The following COL4A5 variants were observed in gnomAD, a reference collection of about 807,000 sequenced individuals.
COL4A5 encodes the protein collagen type IV alpha 5 chain, also known as collagen alpha-5(IV) chain.
In COL4A5, 26 loss-of-function variants were observed where a neutral mutation model predicts 130.2. The ratio of observed to expected loss-of-function variants is 0.20; its 90% CI spans 0.15 to 0.28. The LOEUF is 0.28. COL4A5 is among the 10% of genes least tolerant of loss of function. The probability of loss-of-function intolerance (pLI) is 1.00; values close to 1 mark genes in which losing one functional copy is unlikely to be tolerated. For synonymous variants in COL4A5, 496 were observed against 439.6 expected, an observed-to-expected ratio of 1.13 and a Z score of -1.60; for missense variants, 1,131 against 1,344.3, an observed-to-expected ratio of 0.84 and a Z score of 2.48.
intron 9 of COL4A5, among the ~76,000 whole-genome samples, chrX:108,574,309 A>G (rs1239111200): frequency 8.9e-6 from 1 of 111,865 alleles, no homozygotes; most frequent in Admixed American, 9.5e-5. Flanking sequence ...TCCTTACTTG[A>G]TATCACCCAT....
At chrX:108,632,398 G>C (rs2067277800) in intron 36 of COL4A5, among the ~76,000 whole-genome samples, 1 of 111,109 alleles carries the variant, frequency 9.0e-6, no homozygotes, top group Non-Finnish European at 1.9e-5. Flanking sequence ...TTCTACCAGA[G>C]ATACAAAGAG....
rs747242265 is a variant in COL4A5, at chrX:108,693,693, A to C, written c.4706+768A>C. On this transcript the variant is annotated intron_variant, in intron 50 of 52. Coordinates refer to ENST00000328300, the MANE Select transcript of COL4A5 (RefSeq NM_033380.3). The stretch of plus-strand genomic sequence containing the variant: ...TAAATTGGAACTCACAGTGGGGTAC[A>C]TGTATCACATTATTAGGCTAGATAG... The C allele has an allele frequency of 3.6e-5, 4 of 111,445 alleles. No homozygotes were observed. In the East Asian group the frequency reaches 1.1e-3, roughly 32 times the overall value. The allele number at this position is 111,445 out of a possible 1,213,427, so 9.2% of individuals were successfully genotyped here.
chrX:108,522,200 A>G (rs2065271229), intron 1 of COL4A5, among the ~76,000 whole-genome samples: 1 of 110,197 alleles, frequency 9.1e-6, no homozygotes, highest in Non-Finnish European at 1.9e-5. Context: ...TTTGTTTTTC[A>G]GTTCATTTTT....
At chrX:108,645,451 A>G (rs2067560447) in intron 36 of COL4A5, among the ~76,000 whole-genome samples, 1 of 110,702 alleles carries the variant, frequency 9.0e-6, no homozygotes. Context: ...CTTTATGTAC[A>G]TAAACTAGAA....
chrX:108,624,608 A>C (rs1245537216), intron 34 of COL4A5, among the ~76,000 whole-genome samples: 1 of 112,230 alleles, frequency 8.9e-6, no homozygotes, highest in East Asian at 2.8e-4. Context: ...GATCCAAATA[A>C]GGTGTTGTGT....
chrX:108,638,341 A>G (rs2067392923), intron 36 of COL4A5, among the ~76,000 whole-genome samples: 1 of 111,281 alleles, frequency 9.0e-6, no homozygotes, highest in Non-Finnish European at 1.9e-5. Context: ...CACTTAATTA[A>G]TGCAAAAAAA....
In COL4A5 at chrX:108,516,639, CAG is replaced by C. The variant is rs1217442781; in HGVS notation, c.82-23106_82-23105del. 5.8e-4 allele frequency among the ~76,000 whole-genome samples: 65 copies of C among 111,890 alleles called. No individual in the cohort carries two copies. In the East Asian group the frequency reaches 0.017, roughly 29 times the overall value. The stretch of plus-strand genomic sequence containing the variant: ...ATCTTATTTCCCAGTTTTCTTTTTA[CAG>C]TAAGGCTATATCTGTTGATTAACTC... On this transcript the variant is annotated intron_variant, in intron 1 of 52. Coordinates refer to ENST00000328300, the MANE Select transcript of COL4A5 (RefSeq NM_033380.3).
rs189616427 is a variant in COL4A5 at position 108,583,328 on chromosome X, C to T, written c.990+391C>T. ...TGTAGAACGTCGCCACTAAACATTT[C>T]CATTCTGTATGCAATTATTGTCTGT... On this transcript the variant is annotated intron_variant, in intron 17 of 52. Transcript: ENST00000328300. Among the ~76,000 whole-genome samples, 7 of 111,860 alleles carry T rather than the reference C, an allele frequency of 6.3e-5. No homozygotes were observed. In the East Asian group the frequency reaches 2.0e-3, roughly 32 times the overall value.
At chrX:108,666,053 A>G (rs2068071282) in intron 38 of COL4A5, among the ~76,000 whole-genome samples, 1 of 110,755 alleles carries the variant, frequency 9.0e-6, no homozygotes, top group Non-Finnish European at 1.9e-5. Flanking sequence ...CCCTCGAAAA[A>G]AAAAAAAGGA....
At chrX:108,553,694 A>T (rs2065783832) in intron 2 of COL4A5, among the ~76,000 whole-genome samples, 1 of 112,203 alleles carries the variant, frequency 8.9e-6, no homozygotes, top group South Asian at 3.7e-4. Flanking sequence ...AATGTTAAAC[A>T]CCTATTAAAT....
intron 36 of COL4A5, among the ~76,000 whole-genome samples, chrX:108,628,399 A>G (rs985896846): frequency 1.3e-4 from 15 of 111,411 alleles, no homozygotes; most frequent in African/African-American, 4.9e-4. Flanking sequence ...CATGATTAGT[A>G]TAAGTGATTT....
chrX:108,634,141 A>G (rs2067313926), intron 36 of COL4A5, among the ~76,000 whole-genome samples: 1 of 109,847 alleles, frequency 9.1e-6, no homozygotes, highest in Non-Finnish European at 1.9e-5. Context: ...TCTCCCAGTG[A>G]TAAAGCAATG....
At position 108,507,262 on chromosome X, in the gene COL4A5, GAA is replaced by G. The variant is rs765631228; in HGVS notation, c.82-32472_82-32471del. On this transcript the variant is annotated intron_variant, in intron 1 of 52. Coordinates refer to ENST00000328300, the MANE Select transcript of COL4A5 (RefSeq NM_033380.3). ...ACAACAACAACAAAAAAAAAAAAAA[GAA>G]AAAAAAAAAAAGAAAACTTCAGGCC... Among the ~76,000 whole-genome samples, 532 of 71,703 alleles carry G rather than the reference GAA, an allele frequency of 7.4e-3. 1 individual carries two copies. The highest frequency in any genetic ancestry group is 0.046 in the East Asian group (104 of 2,249). The allele number at this position is 71,703 out of a possible 115,157, so 62.3% of individuals were successfully genotyped here. A position where few individuals can be genotyped will look rare whatever the true frequency, so the allele number is the denominator to read the frequency against.
chrX:108,528,403 AG>A (rs1420683415), intron 1 of COL4A5, among the ~76,000 whole-genome samples: 2 of 112,768 alleles, frequency 1.8e-5, no homozygotes, highest in African/African-American at 6.4e-5. Context: ...ATTCAAAAAT[AG>A]GAAGAAATGA....
chrX:108,523,610 T>C (rs186468428), intron 1 of COL4A5, among the ~76,000 whole-genome samples: 327 of 112,093 alleles, frequency 2.9e-3, no homozygotes, highest in African/African-American at 0.01. Context: ...AGTTTTATGA[T>C]CAGCTTTTCC....
intron 36 of COL4A5, among the ~76,000 whole-genome samples, chrX:108,629,240 T>C (rs2067207852): frequency 9.0e-6 from 1 of 111,522 alleles, no homozygotes. Context: ...GCCTTATAGG[T>C]CATCATAGTA....
chrX:108,607,515 G>T (rs1221022219), intron 29 of COL4A5, among the ~76,000 whole-genome samples: 1 of 70,688 alleles, frequency 1.4e-5, no homozygotes, highest in Non-Finnish European at 2.4e-5. Context: ...ACAGAGTCTT[G>T]CTCTGTCTCC....
chrX:108,452,576 T>C (rs756431141), intron 1 of COL4A5, among the ~76,000 whole-genome samples: 1 of 112,079 alleles, frequency 8.9e-6, no homozygotes, highest in Non-Finnish European at 1.9e-5. Context: ...TATTTTATTC[T>C]CTTTGAAGCA....
intron 36 of COL4A5, among the ~76,000 whole-genome samples, chrX:108,634,530 CAGTG>C (rs1430597980): frequency 1.8e-5 from 2 of 111,585 alleles, no homozygotes; most frequent in African/African-American, 6.5e-5. Flanking sequence ...AGTTTAGAAA[CAGTG>C]AGACAATTTC....
Sources: gnomAD v4.1 joint callset for allele counts (sites outside exome capture counted in the v4.1 genomes callset) on GRCh38, gnomAD v4.1.1 for gene constraint, MANE v1.5 for transcripts, NCBI Gene and HGNC (gene_info 2026-07-23, HGNC 2026-07-21) for gene names.